SRGAP1: variants seen among roughly 807,000 people sequenced by gnomAD.
The protein encoded by SRGAP1 is SLIT-ROBO Rho GTPase activating protein 1.
Under a neutral mutation model 121.9 loss-of-function variants are expected in SRGAP1, and 43 were observed. The ratio of observed to expected loss-of-function variants is 0.35; its 90% CI spans 0.28 to 0.46. The LOEUF is 0.46. Ranked by LOEUF, SRGAP1 falls within the 20% of genes least tolerant of loss-of-function variation. SRGAP1 has a pLI of 1.00. For synonymous variants in SRGAP1, 447 were observed against 485.4 expected (o/e 0.92, Z 1.04); for missense variants, 1,102 against 1,350.9 (o/e 0.82, Z 2.89).
intron 1 of SRGAP1, among the ~76,000 whole-genome samples, chr12:63,920,072 G>A (rs1013332360): frequency 6.6e-6 from 1 of 152,176 alleles, no homozygotes; most frequent in Non-Finnish European, 1.5e-5. Flanking sequence ...CACATGATAC[G>A]ACTGCATTGT....
chr12:63,985,428 CTTTTCCTG>C (rs2033388039), intron 2 of SRGAP1, among the ~76,000 whole-genome samples: 1 of 152,060 alleles, frequency 6.6e-6, no homozygotes, highest in Non-Finnish European at 1.5e-5. Context: ...CAGTTGGGAC[CTTTTCCTG>C]AGGGCATGAG....
At chr12:64,083,123 G>C (rs2035876934) in intron 10 of SRGAP1, among the ~76,000 whole-genome samples, 1 of 152,228 alleles carries the variant, frequency 6.6e-6, no homozygotes, top group Non-Finnish European at 1.5e-5. Flanking sequence ...AGGAGACCAG[G>C]AGAGTTAATG....
intron 6 of SRGAP1, among the ~76,000 whole-genome samples, chr12:64,047,122 T>TA (rs2035146514): frequency 6.6e-6 from 1 of 152,186 alleles, no homozygotes; most frequent in Non-Finnish European, 1.5e-5. Context: ...GTCTTAAATT[T>TA]AAAATGTGAA....
intron 4 of SRGAP1, chr12:64,032,413 A>G: frequency 1.6e-6 from 1 of 609,080 alleles, no homozygotes; most frequent in Non-Finnish European, 3.0e-6. Context: ...CTGCCTCATC[A>G]GTCAGATCTC....
At position 64,091,288 on chromosome 12, in the gene SRGAP1, T is replaced by C. The variant is rs1442067286; in HGVS notation, c.1449T>C (p.Val483=). Residue 483 remains valine, a synonymous_variant, in exon 12 of 22, where the codon GTT becomes GTC. Coordinates refer to ENST00000355086, the MANE Select transcript of SRGAP1 (RefSeq NM_020762.4). ...TCCCTTCCCTTAGGCCTCCAAATGT[T>C]CCCCCTAAGCCCCAGAAACACAGGA... is the stretch of plus-strand genomic sequence containing the variant. The part of the protein sequence containing the change: ...AEYMTTRPPN[V]PPKPQKHRKS... The C allele has an allele frequency of 1.9e-6, 3 of 1,592,996 alleles. No individual in the cohort carries two copies. The highest frequency in any genetic ancestry group is 2.7e-5 in the African/African-American group (2 of 74,354).
intron 15 of SRGAP1, among the ~76,000 whole-genome samples, chr12:64,103,552 A>G (rs1243385410): frequency 6.6e-6 from 1 of 152,132 alleles, no homozygotes; most frequent in Non-Finnish European, 1.5e-5. Flanking sequence ...CTGGTGCTCA[A>G]TATATGTTTT....
At chr12:63,872,157 G>A (rs372977032) in intron 1 of SRGAP1, 75 of 378,044 alleles carry the variant, frequency 2.0e-4, no homozygotes, top group African/African-American at 1.1e-3. Context: ...GGAACATTTC[G>A]TTATGTTTCA....
intron 3 of SRGAP1, among the ~76,000 whole-genome samples, chr12:63,992,715 ACG>A (rs2033589121): frequency 1.4e-5 from 2 of 146,388 alleles, no homozygotes; most frequent in South Asian, 4.5e-4. Flanking sequence ...ACACACACAC[ACG>A]TGCAGAGAGA....
chr12:64,028,477 T>C (rs561607340), intron 4 of SRGAP1, among the ~76,000 whole-genome samples: 2 of 152,244 alleles, frequency 1.3e-5, no homozygotes, highest in Non-Finnish European at 2.9e-5. Flanking sequence ...ATAGCTATTG[T>C]GGGCTGAAAA....
intron 1 of SRGAP1, among the ~76,000 whole-genome samples, chr12:63,980,110 G>A (rs1159704243): frequency 6.6e-6 from 1 of 152,174 alleles, no homozygotes; most frequent in Non-Finnish European, 1.5e-5. Context: ...GAGTGCCAGT[G>A]GCGTGATCAC....
chr12:63,960,274 C>G (rs985610142), intron 1 of SRGAP1, among the ~76,000 whole-genome samples: 8 of 152,194 alleles, frequency 5.3e-5, no homozygotes, highest in African/African-American at 1.9e-4. Flanking sequence ...AACATCCTTT[C>G]AGACTGAGGG....
chr12:63,905,030 C>T (rs55884087), intron 1 of SRGAP1, among the ~76,000 whole-genome samples: 19,699 of 152,138 alleles, frequency 0.13, 1,358 homozygotes, highest in Middle Eastern at 0.21. Flanking sequence ...GTACAACCAA[C>T]TTCTTTTATA....
At chr12:64,002,997 G>T (rs2033947496) in intron 3 of SRGAP1, among the ~76,000 whole-genome samples, 1 of 145,898 alleles carries the variant, frequency 6.9e-6, no homozygotes. Flanking sequence ...ATCTAACAAA[G>T]ATCTTGGGGG....
chr12:64,042,840 C>A lies in SRGAP1; in HGVS notation c.540C>A (p.Ser180Arg). ...MYHAESISAE[S>R]KLKEAEKQEE... is the part of the protein sequence containing the mutation. ...ATGCAGAGAGCATCAGTGCAGAGAGCAAGCTGAAAGAGGCCGAAAAACAAG... is the reference window on the plus strand; with the variant it reads ...ATGCAGAGAGCATCAGTGCAGAGAGAAAGCTGAAAGAGGCCGAAAAACAAG... The change falls in exon 5 of 22, where the codon AGC becomes AGA. Residue 180 changes from serine (S) to arginine (R), a missense_variant. Around this residue, in one of 3 missense-constraint regions of SRGAP1, gnomAD observed 747 missense variants for 929.4 expected, o/e 0.80. Transcript: ENST00000355086. The A allele has an allele frequency of 6.2e-7, 1 of 1,613,736 alleles. No individual in the cohort carries two copies. Among genetic ancestry groups the A allele is most frequent in the Non-Finnish European group, 8.5e-7 (1 of 1,179,878 alleles).
At chr12:63,981,228 G>A (rs2033236562) in intron 1 of SRGAP1, among the ~76,000 whole-genome samples, 2 of 152,082 alleles carry the variant, frequency 1.3e-5, no homozygotes, top group African/African-American at 4.8e-5. Context: ...AAATCCTGAT[G>A]GAAGTAAGCA....
chr12:64,084,224 A>C (rs927090015), intron 10 of SRGAP1, among the ~76,000 whole-genome samples: 3 of 152,220 alleles, frequency 2.0e-5, no homozygotes, highest in African/African-American at 7.2e-5. Flanking sequence ...GTGAAAAATA[A>C]TTCACTTCAT....
chr12:63,988,378 C>T (rs937370924), intron 2 of SRGAP1, among the ~76,000 whole-genome samples: 8 of 152,088 alleles, frequency 5.3e-5, no homozygotes, highest in Admixed American at 1.3e-4. Context: ...CTCCAATTAC[C>T]TGTTATAGAA....
chr12:64,059,691 C>T (rs2035410277), intron 6 of SRGAP1, among the ~76,000 whole-genome samples: 1 of 151,964 alleles, frequency 6.6e-6, no homozygotes, highest in South Asian at 2.1e-4. Context: ...TTTTTCAGGC[C>T]CTCTGATATG....
rs1233990100 is a variant in SRGAP1, at chr12:64,142,767, G to A, written c.*95G>A. On this transcript the variant is annotated 3_prime_UTR_variant, in exon 22 of 22. Transcript: ENST00000355086. ...GATCCATAACTTTCCTTAGTTTTGT[G>A]CTTATAACTGGAGATCTTTTGGCTT... 2 of 1,484,900 alleles carry A rather than the reference G, an allele frequency of 1.3e-6. No homozygotes were observed. Among genetic ancestry groups the A allele is most frequent in the Non-Finnish European group, 1.8e-6 (2 of 1,109,592 alleles). 92.0% of individuals were successfully genotyped at this position (1,484,900 alleles called of 1,614,324 possible).
Sources: allele counts gnomAD v4.1 joint callset (sites outside exome capture counted in the v4.1 genomes callset), GRCh38; gene constraint gnomAD v4.1.1; regional missense constraint gnomAD v4.1.1; transcripts MANE v1.5; gene names NCBI Gene and HGNC (gene_info 2026-07-23, HGNC 2026-07-21).